The following PISD variants were observed in gnomAD, a reference collection of about 807,000 sequenced individuals.
PISD encodes phosphatidylserine decarboxylase.
Under a neutral mutation model 43.5 loss-of-function variants are expected in PISD, and 31 were observed. That is an observed-to-expected ratio of 0.71 (90% CI 0.54 to 0.96). The LOEUF (loss-of-function observed/expected upper bound fraction) is 0.96. PISD is among the 40% of genes least tolerant of loss of function. The pLI, the probability that PISD is intolerant of heterozygous loss-of-function variation, is 0.00. For synonymous variants in PISD, 259 were observed against 228.7 expected (o/e 1.13, Z -1.20); for missense variants, 523 against 548.4 (o/e 0.95, Z 0.46).
Position 31,648,197 on chromosome 22 carries a change from G to T in PISD, c.225C>A (p.Gly75=), listed in dbSNP as rs757726502. ...CATACTGCCGGTACCCTGCATACCC[G>T]CCGCCTGTCACCAACAGAATGGGCA... ...RPLPILLVTG[G]GYAGYRQYEK... is the part of the protein sequence containing the mutation. The change falls in exon 3 of 8, where the codon GGC becomes GGA. Residue 75 remains glycine (G), a synonymous_variant. Transcript: ENST00000439502. The T allele has an allele frequency of 1.2e-6, 2 of 1,612,038 alleles. No homozygotes were observed. Among genetic ancestry groups the T allele is most frequent in the Admixed American group, 3.3e-5 (2 of 59,876 alleles).
In PISD at chr22:31,618,509, T is replaced by TTA. The variant is rs2072237573; in HGVS notation, c.*1101_*1102dup. On this transcript the variant is annotated 3_prime_UTR_variant, in exon 8 of 8. Transcript: ENST00000439502. ...AACACAGTTTTAAGTTTGATTTTTT[T>TTA]TATTTCAAAATGCTTTGCAATTAAA... The TTA allele has an allele frequency of 7.9e-7, 1 of 1,267,460 alleles. No individual in the cohort carries two copies. Among genetic ancestry groups the TTA allele is most frequent in the Admixed American group, 3.3e-5 (1 of 30,494 alleles). 78.5% of individuals were successfully genotyped at this position (1,267,460 alleles called of 1,614,324 possible). A position where few individuals can be genotyped will look rare whatever the true frequency, so the allele number is the denominator to read the frequency against.
At chr22:31,632,309 G>C in intron 3 of PISD, 1 of 915,840 alleles carries the variant, frequency 1.1e-6, no homozygotes, top group South Asian at 5.0e-5. Flanking sequence ...GCACCCATGG[G>C]AACAGGGAGG....
intron 2 of PISD, among the ~76,000 whole-genome samples, chr22:31,649,916 A>C (rs964083088): frequency 6.6e-6 from 1 of 152,166 alleles, no homozygotes; most frequent in East Asian, 1.9e-4. Flanking sequence ...GGAATGCCAG[A>C]GATTGCCAGC....
chr22:31,628,276 TC>T, intron 3 of PISD: 1 of 768,162 alleles, frequency 1.3e-6, no homozygotes, highest in South Asian at 5.9e-5. Flanking sequence ...CCAAGCCACT[TC>T]CTTGGCCAGC....
chr22:31,625,146 A>G (rs1281616674), intron 3 of PISD, among the ~76,000 whole-genome samples: 1 of 152,228 alleles, frequency 6.6e-6, no homozygotes, highest in Non-Finnish European at 1.5e-5. Context: ...ACAAAGCAGC[A>G]TCTCAGCTGA....
At chr22:31,656,284 C>A (rs925040072) in intron 1 of PISD, among the ~76,000 whole-genome samples, 1 of 151,922 alleles carries the variant, frequency 6.6e-6, no homozygotes, top group Non-Finnish European at 1.5e-5. Context: ...GTGGAGGTTG[C>A]AATGAGCCAA....
At chr22:31,631,645 C>A (rs923006645) in intron 3 of PISD, among the ~76,000 whole-genome samples, 12 of 152,220 alleles carry the variant, frequency 7.9e-5, no homozygotes, top group Non-Finnish European at 1.6e-4. Flanking sequence ...CCCGTACCCA[C>A]ATGGTGCCAG....
In PISD at chr22:31,630,339, G is replaced by A. The variant is rs911318045; in HGVS notation, c.322-8454C>T. Among the ~76,000 whole-genome samples, 8 of 152,066 alleles carry A rather than the reference G, an allele frequency of 5.3e-5. No homozygotes were observed. The highest frequency in any genetic ancestry group is 1.9e-4 in the African/African-American group (8 of 41,416). On this transcript the variant is annotated intron_variant, in intron 3 of 7. Coordinates refer to ENST00000439502, the MANE Select transcript of PISD (RefSeq NM_001326411.2). This position sits in a 1 kb window ranked among gnomAD's most constrained non-coding sequence, Gnocchi z 4.4. ...GCCACCCGCTCCCTGGCCCTCGGGC[G>A]CCGCCCTCTTCCCCAGGCGGCCTGC...
In PISD at chr22:31,628,186, T is replaced by A. The variant is rs1302391910; in HGVS notation, c.322-6301A>T. 3 of 985,408 alleles carry A rather than the reference T, an allele frequency of 3.0e-6. No individual in the cohort carries two copies. The African/African-American group carries it at 5.2e-5, about 17-fold the overall frequency. The allele number at this position is 985,408 out of a possible 1,614,324, so 61.0% of individuals were successfully genotyped here. On this transcript the variant is annotated intron_variant, in intron 3 of 7. Coordinates refer to ENST00000439502, the MANE Select transcript of PISD (RefSeq NM_001326411.2). ...TCCAGCTTTGCCCCAGGACACAGGC[T>A]GAGCACCGTCTGTCCCTCTCAGAGC...
chr22:31,643,633 G>A (rs369922445), intron 3 of PISD, among the ~76,000 whole-genome samples: 2 of 152,092 alleles, frequency 1.3e-5, no homozygotes, highest in African/African-American at 4.8e-5. Context: ...AAACTGGCCC[G>A]GCACAGTGGC....
At chr22:31,631,929 A>C (rs547832220) in intron 3 of PISD, among the ~76,000 whole-genome samples, 1 of 152,322 alleles carries the variant, frequency 6.6e-6, no homozygotes, top group South Asian at 2.1e-4. Context: ...AAAGCAACTA[A>C]GGCATGAAGG....
At chr22:31,648,077 A>C in intron 3 of PISD, 24 bp downstream of exon 3, 1 of 1,597,442 alleles carries the variant, frequency 6.3e-7, no homozygotes. Flanking sequence ...ACGAGAACCC[A>C]AGGCAGTTCC....
At chr22:31,643,591 G>C (rs1188578990) in intron 3 of PISD, among the ~76,000 whole-genome samples, 1 of 152,090 alleles carries the variant, frequency 6.6e-6, no homozygotes, top group African/African-American at 2.4e-5. Flanking sequence ...GCAAGACCCT[G>C]TCTCTGAAAA....
At chr22:31,620,141 T>G (rs2072437802) in intron 7 of PISD, among the ~76,000 whole-genome samples, 1 of 152,192 alleles carries the variant, frequency 6.6e-6, no homozygotes, top group African/African-American at 2.4e-5. Context: ...GGTCACAAAC[T>G]GACACCCAAA....
intron 3 of PISD, among the ~76,000 whole-genome samples, chr22:31,631,577 A>C (rs950894636): frequency 6.6e-6 from 1 of 152,184 alleles, no homozygotes; most frequent in Non-Finnish European, 1.5e-5. Flanking sequence ...TGGATGATGC[A>C]TGCTGTCTTC....
upstream of PISD, chr22:31,662,451 T>C (rs1341016188): frequency 5.6e-6 from 3 of 536,432 alleles, no homozygotes; most frequent in East Asian, 9.5e-5. Flanking sequence ...CTCCTCCTCC[T>C]TCCCTCTGGG....
rs377214411 is a variant in PISD at position 31,624,306 on chromosome 22, C to G, written c.322-2421G>C. Among the ~76,000 whole-genome samples the G allele has an allele frequency of 9.2e-5, 14 of 152,324 alleles. No homozygotes were observed. In the East Asian group the frequency reaches 2.7e-3, roughly 29 times the overall value. On this transcript the variant is annotated intron_variant, in intron 3 of 7. Coordinates refer to ENST00000439502, the MANE Select transcript of PISD (RefSeq NM_001326411.2). ...GGCCCCAGGGGCCAGCTCTGCCACA[C>G]AGGCACTGGCACGGCAGCACATAGC...
At chr22:31,631,344 T>C (rs1258755346) in intron 3 of PISD, among the ~76,000 whole-genome samples, 2 of 152,184 alleles carry the variant, frequency 1.3e-5, no homozygotes, top group Non-Finnish European at 2.9e-5. Flanking sequence ...CTCCAGAGAA[T>C]GCGAAATCCT....
chr22:31,650,036 G>A (rs5998069), intron 2 of PISD, among the ~76,000 whole-genome samples: 34,169 of 152,134 alleles, frequency 0.22, 5,540 homozygotes, highest in African/African-American at 0.46. Flanking sequence ...GAATCATGAG[G>A]CAAATGTCTG....
Sources: allele counts gnomAD v4.1 joint callset (sites outside exome capture counted in the v4.1 genomes callset), GRCh38; gene constraint gnomAD v4.1.1; non-coding constraint Gnocchi (gnomAD v3.1); transcripts MANE v1.5; gene names NCBI Gene and HGNC (gene_info 2026-07-23, HGNC 2026-07-21).